The following PSMG2 variants were observed in gnomAD, a reference collection of about 807,000 sequenced individuals.
PSMG2 encodes CD40 ligand-activated specific transcript 3.
PSMG2 carries 21 observed loss-of-function variants against 31.5 expected under a neutral mutation model. The ratio of observed to expected loss-of-function variants is 0.67; its 90% confidence interval spans 0.47 to 0.96. PSMG2 has a LOEUF of 0.96. PSMG2 is among the 40% of genes least tolerant of loss of function. The pLI, the probability that PSMG2 is intolerant of heterozygous loss-of-function variation, is 0.00. For synonymous variants in PSMG2, 120 were observed against 110.4 expected, an observed-to-expected ratio of 1.09 and a Z score of -0.54; for missense variants, 318 against 321.2, an observed-to-expected ratio of 0.99 and a Z score of 0.08.
intron 3 of PSMG2, 126 bp downstream of exon 3, chr18:12,712,886 G>A (rs2040344721): frequency 1.6e-6 from 1 of 614,498 alleles, no homozygotes; most frequent in African/African-American, 1.9e-5. Context: ...TGATTCTACA[G>A]AGAAATAATC....
chr18:12,691,695 T>TC (rs2145071962), intron 1 of PSMG2, among the ~76,000 whole-genome samples: 1 of 150,468 alleles, frequency 6.6e-6, no homozygotes, highest in African/African-American at 2.4e-5. Context: ...CACCTTTTTT[T>TC]CCTCAAAGAC....
At chr18:12,688,984 C>T (rs747050212) in intron 1 of PSMG2, among the ~76,000 whole-genome samples, 6 of 151,972 alleles carry the variant, frequency 3.9e-5, no homozygotes, top group Non-Finnish European at 8.8e-5. Flanking sequence ...CATGGTGGCA[C>T]GTGCCTGTAG....
At chr18:12,662,832 TG>T (rs2038723985) in intron 1 of PSMG2, among the ~76,000 whole-genome samples, 2 of 152,200 alleles carry the variant, frequency 1.3e-5, no homozygotes, top group South Asian at 4.1e-4. Flanking sequence ...ATAAAATGTG[TG>T]AACAATAGTG....
At chr18:12,686,478 A>G in intron 1 of PSMG2, 1 of 1,492,588 alleles carries the variant, frequency 6.7e-7, no homozygotes, top group Non-Finnish European at 9.2e-7. Flanking sequence ...AACATCTGTA[A>G]TGACATATTA....
At chr18:12,679,135 G>A (rs2039253521) in intron 1 of PSMG2, 1 of 151,738 alleles carries the variant, frequency 6.6e-6, no homozygotes, top group African/African-American at 2.4e-5. Context: ...CAAGATGAAG[G>A]AAAAACTAAG....
At chr18:12,695,852 C>CACA in intron 1 of PSMG2, among the ~76,000 whole-genome samples, 1 of 148,390 alleles carries the variant, frequency 6.7e-6, no homozygotes, top group East Asian at 2.0e-4. Flanking sequence ...CATTCCTTCT[C>CACA]CACACACACA....
intron 1 of PSMG2, chr18:12,674,681 A>C: frequency 6.2e-7 from 1 of 1,614,128 alleles, no homozygotes; most frequent in Non-Finnish European, 8.5e-7. Flanking sequence ...GTACGCTCAA[A>C]TTCATAAGAA....
chr18:12,700,935 T>A (rs773321135), upstream of PSMG2: 1 of 1,595,742 alleles, frequency 6.3e-7, no homozygotes, highest in African/African-American at 1.3e-5. Flanking sequence ...TACTCTCATT[T>A]ATTTCCCTAA....
At chr18:12,662,792 A>T (rs901605561) in intron 1 of PSMG2, among the ~76,000 whole-genome samples, 8 of 151,830 alleles carry the variant, frequency 5.3e-5, no homozygotes, top group Non-Finnish European at 7.4e-5. Flanking sequence ...AAAGAAAAAC[A>T]TTTTTTTTGA....
intron 1 of PSMG2, among the ~76,000 whole-genome samples, chr18:12,675,730 G>A (rs540223456): frequency 6.6e-5 from 10 of 151,590 alleles, no homozygotes; most frequent in South Asian, 4.2e-4. Context: ...ATGCAGTGGC[G>A]CGATCTCGGC....
intron 1 of PSMG2, among the ~76,000 whole-genome samples, chr18:12,695,005 G>A (rs1228519132): frequency 2.6e-5 from 4 of 151,964 alleles, no homozygotes; most frequent in Admixed American, 6.6e-5. Context: ...GTGAGCCACC[G>A]GCCTATCCTG....
chr18:12,673,177 T>C (rs2038990454), intron 1 of PSMG2: 1 of 1,258,192 alleles, frequency 7.9e-7, no homozygotes. Flanking sequence ...ATACAAGTTT[T>C]TCAGCCTTAA....
At chr18:12,725,216 A>G (rs577084466) in intron 6 of PSMG2, among the ~76,000 whole-genome samples, 2 of 152,108 alleles carry the variant, frequency 1.3e-5, no homozygotes, top group African/African-American at 4.8e-5. Context: ...TCCCTAATAA[A>G]CTTCATCTAC....
chr18:12,662,209 T>C, intron 1 of PSMG2: 1 of 444,110 alleles, frequency 2.3e-6, no homozygotes, highest in South Asian at 1.6e-5. Flanking sequence ...AAAAACAGCA[T>C]ATTTTTTAAT....
upstream of PSMG2, chr18:12,701,176 GT>G: frequency 8.0e-7 from 1 of 1,250,638 alleles, no homozygotes; most frequent in East Asian, 2.3e-5. Context: ...TGCTTCTGAA[GT>G]TTTAAGGTTC....
intron 1 of PSMG2, among the ~76,000 whole-genome samples, chr18:12,695,877 C>A (rs1204376213): frequency 6.6e-6 from 1 of 151,988 alleles, no homozygotes; most frequent in Non-Finnish European, 1.5e-5. Context: ...CACACACACA[C>A]ACACACACTA....
intron 1 of PSMG2, among the ~76,000 whole-genome samples, chr18:12,666,835 A>C (rs1382500916): frequency 2.0e-5 from 3 of 152,152 alleles, no homozygotes; most frequent in Non-Finnish European, 4.4e-5. Flanking sequence ...TGATTCTTCC[A>C]ATCAGGTTTA....
rs1195997995 is a variant in PSMG2, at chr18:12,659,686, A to G, written c.-37+913A>G. Among the ~76,000 whole-genome samples, 20 of 152,158 alleles carry G rather than the reference A, an allele frequency of 1.3e-4. No homozygotes were observed. In the East Asian group the frequency reaches 3.3e-3, roughly 25 times the overall value. On this transcript the variant is annotated intron_variant, in intron 1 of 6. Transcript: ENST00000585331. ...GTCTGTCTCAAAAAAATAAATAATA[A>G]ATTGAAAGAGGAGAAGAAAGCTCCC... is the stretch of plus-strand genomic sequence containing the variant.
At chr18:12,711,399 G>C (rs900534139) in intron 2 of PSMG2, among the ~76,000 whole-genome samples, 3 of 152,192 alleles carry the variant, frequency 2.0e-5, no homozygotes, top group African/African-American at 7.2e-5. Context: ...ACCTAGGTCA[G>C]TTGAATTGGA....
Sources: gnomAD v4.1 joint callset for allele counts (sites outside exome capture counted in the v4.1 genomes callset) on GRCh38, gnomAD v4.1.1 for gene constraint, MANE v1.5 for transcripts, NCBI Gene and HGNC (gene_info 2026-07-23, HGNC 2026-07-21) for gene names.